Variants in ANO10 observed in about 807,000 individuals in gnomAD.
ANO10 encodes the protein anoctamin 10, also known as anoctamin-10.
Under a neutral mutation model 74.7 loss-of-function variants are expected in ANO10, and 77 were observed. The ratio of observed to expected loss-of-function variants is 1.03; its 90% CI spans 0.86 to 1.25. ANO10 has a LOEUF of 1.25. Ranked by LOEUF, ANO10 falls within the 50% of genes most tolerant of loss-of-function variation. ANO10 has a pLI of 0.00. For missense variants in ANO10, 721 were observed against 778.1 expected (o/e 0.93, Z 0.87); for synonymous variants, 279 against 284.9 (o/e 0.98, Z 0.21).
At chr3:43,560,868 G>A (rs2079996549) in intron 9 of ANO10, among the ~76,000 whole-genome samples, 1 of 152,180 alleles carries the variant, frequency 6.6e-6, no homozygotes, top group African/African-American at 2.4e-5. Flanking sequence ...TTTTCCATGA[G>A]TTTGAAGTGT....
chr3:43,619,620 G>A (rs867372702), intron 1 of ANO10, among the ~76,000 whole-genome samples: 7 of 151,954 alleles, frequency 4.6e-5, no homozygotes, highest in African/African-American at 2.4e-5. Context: ...GAGTCCATGG[G>A]GGGTGGATCT....
At chr3:43,520,436 G>C (rs1287245710) in intron 11 of ANO10, among the ~76,000 whole-genome samples, 1 of 152,136 alleles carries the variant, frequency 6.6e-6, no homozygotes, top group African/African-American at 2.4e-5. Flanking sequence ...TAGGGGGATA[G>C]AAACAGACCA....
intron 11 of ANO10, among the ~76,000 whole-genome samples, chr3:43,464,718 T>G (rs2075540823): frequency 6.6e-6 from 1 of 152,142 alleles, no homozygotes; most frequent in South Asian, 2.1e-4. Context: ...GAAAGTTATT[T>G]AATATAATTC....
intron 4 of ANO10, among the ~76,000 whole-genome samples, chr3:43,596,866 T>C (rs1462680606): frequency 6.6e-6 from 1 of 152,216 alleles, no homozygotes; most frequent in Non-Finnish European, 1.5e-5. Flanking sequence ...TCTATCCATC[T>C]GACAAAGGGC....
intron 12 of ANO10, among the ~76,000 whole-genome samples, chr3:43,367,608 G>A (rs1284858374): frequency 6.6e-6 from 1 of 152,010 alleles, no homozygotes; most frequent in African/African-American, 2.4e-5. Flanking sequence ...TGCCCTCCTC[G>A]AGGGCAGGAT....
rs187668662 is a variant in ANO10, at chr3:43,513,822, T to G, written c.1797+35898A>C. On this transcript the variant is annotated intron_variant, in intron 11 of 12. Coordinates refer to ENST00000292246, the MANE Select transcript of ANO10 (RefSeq NM_018075.5). ...CACCGTGCCCAGCCACACACTTCTA[T>G]GATTTAAAAGAAGGAAGAAAAGGGA... 1.8e-4 allele frequency among the ~76,000 whole-genome samples: 28 copies of G among 152,076 alleles called. No individual in the cohort carries two copies. The East Asian group carries it at 5.4e-3, about 29-fold the overall frequency.
chr3:43,538,017 A>G (rs989010596), intron 11 of ANO10, among the ~76,000 whole-genome samples: 1 of 152,226 alleles, frequency 6.6e-6, no homozygotes, highest in Non-Finnish European at 1.5e-5. Flanking sequence ...CAAATACAAC[A>G]TATCAAAATA....
intron 7 of ANO10, among the ~76,000 whole-genome samples, chr3:43,573,139 C>T (rs74698001): frequency 0.017 from 2,603 of 152,156 alleles, 67 homozygotes; most frequent in African/African-American, 0.058. Context: ...ATAACCTTTT[C>T]GAATGAACTT....
intron 1 of ANO10, among the ~76,000 whole-genome samples, chr3:43,635,169 C>A (rs2083592498): frequency 6.6e-6 from 1 of 152,112 alleles, no homozygotes; most frequent in African/African-American, 2.4e-5. Flanking sequence ...CTTCTTTGGT[C>A]CTAATGCAAA....
intron 1 of ANO10, among the ~76,000 whole-genome samples, chr3:43,662,746 A>T (rs2083940909): frequency 6.6e-6 from 1 of 152,234 alleles, no homozygotes; most frequent in Non-Finnish European, 1.5e-5. Context: ...AACTACCACC[A>T]GAGAATACTA....
At chr3:43,543,144 T>C (rs954771886) in intron 11 of ANO10, among the ~76,000 whole-genome samples, 2 of 152,116 alleles carry the variant, frequency 1.3e-5, no homozygotes, top group Non-Finnish European at 2.9e-5. Context: ...TCTGTTTCTC[T>C]CTCTCCTTCC....
At chr3:43,620,454 A>G (rs2083330166) in intron 1 of ANO10, among the ~76,000 whole-genome samples, 1 of 152,218 alleles carries the variant, frequency 6.6e-6, no homozygotes, top group African/African-American at 2.4e-5. Context: ...TTTCATCCTT[A>G]TAATTTTCTC....
intron 11 of ANO10, among the ~76,000 whole-genome samples, chr3:43,507,928 T>C (rs1404017234): frequency 6.6e-6 from 1 of 152,108 alleles, no homozygotes; most frequent in African/African-American, 2.4e-5. Context: ...AAAGGAAATG[T>C]TCTAGGTGTT....
intron 1 of ANO10, among the ~76,000 whole-genome samples, chr3:43,674,907 G>A (rs1307562091): frequency 6.6e-6 from 1 of 152,180 alleles, no homozygotes; most frequent in African/African-American, 2.4e-5. Context: ...ATAGTGATGT[G>A]TTCCTGGAAG....
At chr3:43,406,327 G>A (rs1242010665) in intron 12 of ANO10, among the ~76,000 whole-genome samples, 2 of 152,148 alleles carry the variant, frequency 1.3e-5, no homozygotes, top group African/African-American at 2.4e-5. Context: ...AGCACAGGAC[G>A]TGCAACTGTT....
intron 11 of ANO10, among the ~76,000 whole-genome samples, chr3:43,471,379 T>C (rs1000064635): frequency 6.6e-6 from 1 of 152,222 alleles, no homozygotes; most frequent in Non-Finnish European, 1.5e-5. Context: ...AAATGGAATA[T>C]TCCTTGCAAG....
chr3:43,494,549 C>A (rs1025433975), intron 11 of ANO10, among the ~76,000 whole-genome samples: 9 of 151,550 alleles, frequency 5.9e-5, no homozygotes, highest in African/African-American at 1.9e-4. Context: ...GAGTATGAAC[C>A]CAAGAAAAAC....
At chr3:43,654,701 A>T (rs2083827726) in intron 1 of ANO10, among the ~76,000 whole-genome samples, 1 of 152,146 alleles carries the variant, frequency 6.6e-6, no homozygotes, top group Non-Finnish European at 1.5e-5. Context: ...AAGATGGACA[A>T]GAGAAGAGAA....
chr3:43,516,864 A>C (rs922642), intron 11 of ANO10, among the ~76,000 whole-genome samples: 1 of 152,082 alleles, frequency 6.6e-6, no homozygotes, highest in African/African-American at 2.4e-5. Flanking sequence ...TATAAAACAG[A>C]GTAGGAAGGA....
Sources: gnomAD v4.1 joint callset for allele counts (sites outside exome capture counted in the v4.1 genomes callset) on GRCh38, gnomAD v4.1.1 for gene constraint, MANE v1.5 for transcripts, NCBI Gene and HGNC (gene_info 2026-07-23, HGNC 2026-07-21) for gene names.